The following LRMDA variants were observed in gnomAD, a reference collection of about 807,000 sequenced individuals.
The protein encoded by LRMDA is leucine rich melanocyte differentiation associated.
A neutral mutation model predicts 29.8 loss-of-function variants in LRMDA; 18 were observed. The ratio of observed to expected loss-of-function variants is 0.60; its 90% CI spans 0.42 to 0.90. The LOEUF is 0.90. LRMDA is among the 40% of genes least tolerant of loss of function. The pLI, the probability that LRMDA is intolerant of heterozygous loss-of-function variation, is 0.00. For synonymous variants in LRMDA, 125 were observed against 109.4 expected (o/e 1.14, Z -0.89); for missense variants, 273 against 273.9 (o/e 1.00, Z 0.02).
intron 2 of LRMDA, among the ~76,000 whole-genome samples, chr10:75,540,883 T>C (rs964951082): frequency 3.9e-5 from 6 of 152,098 alleles, no homozygotes; most frequent in African/African-American, 1.4e-4. Context: ...CTACCTGTTA[T>C]AAGAACTAGA....
chr10:75,433,544 T>C (rs941113514), intron 1 of LRMDA, among the ~76,000 whole-genome samples: 19 of 151,928 alleles, frequency 1.3e-4, no homozygotes, highest in Non-Finnish European at 2.5e-4. Flanking sequence ...GGTGGTTTTT[T>C]TGTTTGTTTG....
At chr10:75,892,201 T>C (rs1845502975) in intron 2 of LRMDA, among the ~76,000 whole-genome samples, 1 of 152,222 alleles carries the variant, frequency 6.6e-6, no homozygotes, top group African/African-American at 2.4e-5. Flanking sequence ...GAATGTAATT[T>C]TAATATTCAT....
intron 2 of LRMDA, among the ~76,000 whole-genome samples, chr10:76,007,025 T>TGTGTGTGTGTGTGTGTGTGTGCGC (rs894279739): frequency 3.6e-5 from 1 of 27,474 alleles, no homozygotes; most frequent in East Asian, 7.3e-4. Context: ...TGTGTGTGTG[T>TGTGTGTGTGTGTGTGTGTGTGCGC]GTGTGTGCGC....
chr10:75,770,864 A>T (rs1228067215), intron 2 of LRMDA, among the ~76,000 whole-genome samples: 1 of 152,198 alleles, frequency 6.6e-6, no homozygotes, highest in Non-Finnish European at 1.5e-5. Context: ...AGTGAGTTCT[A>T]TGGAGTTGTC....
intron 2 of LRMDA, among the ~76,000 whole-genome samples, chr10:75,554,492 A>C (rs1476013279): frequency 1.3e-5 from 2 of 152,200 alleles, no homozygotes; most frequent in Non-Finnish European, 2.9e-5. Context: ...CCGATCAGTT[A>C]TTTAGCCCCT....
intron 2 of LRMDA, among the ~76,000 whole-genome samples, chr10:75,762,915 T>C (rs2132228924): frequency 6.6e-6 from 1 of 152,308 alleles, no homozygotes; most frequent in African/African-American, 2.4e-5. Flanking sequence ...GGCACCATTT[T>C]ATAAACAAGT....
At chr10:76,469,636 G>A (rs1184363870) in intron 6 of LRMDA, among the ~76,000 whole-genome samples, 1 of 152,092 alleles carries the variant, frequency 6.6e-6, no homozygotes, top group Non-Finnish European at 1.5e-5. Flanking sequence ...AGTGAGGGAA[G>A]TTCAAGGCTA....
At chr10:75,993,498 T>C (rs7918669) in intron 2 of LRMDA, among the ~76,000 whole-genome samples, 60,263 of 151,980 alleles carry the variant, frequency 0.4, 13,436 homozygotes, top group African/African-American at 0.59. Flanking sequence ...TTTGGGAGGC[T>C]GAGGCTGGCA....
At chr10:76,033,699 T>G (rs1848190453) in intron 2 of LRMDA, among the ~76,000 whole-genome samples, 1 of 152,140 alleles carries the variant, frequency 6.6e-6, no homozygotes, top group Admixed American at 6.5e-5. Context: ...CTGATGTTTG[T>G]GCACAAAGGA....
chr10:75,674,626 G>C (rs1432715073), intron 2 of LRMDA, among the ~76,000 whole-genome samples: 1 of 152,150 alleles, frequency 6.6e-6, no homozygotes, highest in Non-Finnish European at 1.5e-5. Flanking sequence ...GTCCCTTTCT[G>C]TTCACTTAGA....
intron 2 of LRMDA, among the ~76,000 whole-genome samples, chr10:75,883,081 C>T (rs1360234063): frequency 2.0e-5 from 3 of 152,172 alleles, no homozygotes; most frequent in Non-Finnish European, 4.4e-5. Context: ...AGGAAACCTC[C>T]TCCTTCTCCT....
intron 6 of LRMDA, among the ~76,000 whole-genome samples, chr10:76,542,750 G>A (rs1325909684): frequency 1.3e-5 from 2 of 152,196 alleles, no homozygotes; most frequent in Admixed American, 1.3e-4. Flanking sequence ...TAACCTTGAT[G>A]TTAAGAGCTA....
At chr10:76,451,206 A>AT (rs377314126) in intron 6 of LRMDA, among the ~76,000 whole-genome samples, 4,902 of 142,264 alleles carry the variant, frequency 0.034, 104 homozygotes, top group South Asian at 0.11. Flanking sequence ...TCTGATTTGC[A>AT]TTTTTTTTTT....
At chr10:76,243,524 C>T (rs144483177) in intron 5 of LRMDA, among the ~76,000 whole-genome samples, 17 of 152,232 alleles carry the variant, frequency 1.1e-4, no homozygotes, top group Non-Finnish European at 1.9e-4. Context: ...GAAGCAATGG[C>T]ACGGTATTTA....
At position 76,377,309 on chromosome 10, in the gene LRMDA, G is replaced by A. The variant is rs1246614090; in HGVS notation, c.601+52824G>A. ...GATTCTGGATATTAGCCCTTTGTTGGATGCATAGTTTACAGATATTTTCCT... is the reference window on the plus strand; with the variant it reads ...GATTCTGGATATTAGCCCTTTGTTGAATGCATAGTTTACAGATATTTTCCT... On this transcript the variant is annotated intron_variant, in intron 6 of 6. Coordinates refer to ENST00000611255, the MANE Select transcript of LRMDA (RefSeq NM_001305581.2). Among the ~76,000 whole-genome samples, 5 of 152,222 alleles carry A rather than the reference G, an allele frequency of 3.3e-5. No homozygotes were observed. The East Asian group carries it at 9.7e-4, about 29-fold the overall frequency.
intron 2 of LRMDA, among the ~76,000 whole-genome samples, chr10:75,575,963 GGA>G (rs1294656391): frequency 6.6e-6 from 1 of 151,252 alleles, no homozygotes; most frequent in Non-Finnish European, 1.5e-5. Flanking sequence ...GCTAGCCACA[GGA>G]GTTTTTTTTT....
chr10:76,340,637 G>GT (rs1331382655), intron 6 of LRMDA, among the ~76,000 whole-genome samples: 2 of 150,664 alleles, frequency 1.3e-5, no homozygotes, highest in Admixed American at 1.3e-4. Flanking sequence ...TTGATAAAGT[G>GT]TATCTACCAG....
At chr10:76,337,608 G>A (rs1840985250) in intron 6 of LRMDA, among the ~76,000 whole-genome samples, 1 of 152,090 alleles carries the variant, frequency 6.6e-6, no homozygotes, top group Admixed American at 6.5e-5. Context: ...GGGGGAGAGT[G>A]GTAGATGAAG....
intron 5 of LRMDA, among the ~76,000 whole-genome samples, chr10:76,248,977 A>G (rs1852424485): frequency 2.0e-5 from 3 of 152,202 alleles, no homozygotes; most frequent in Admixed American, 1.3e-4. Flanking sequence ...GGGAAACAGA[A>G]ATCTAACCAT....
Sources: allele counts gnomAD v4.1 joint callset (sites outside exome capture counted in the v4.1 genomes callset), GRCh38; gene constraint gnomAD v4.1.1; transcripts MANE v1.5; gene names NCBI Gene and HGNC (gene_info 2026-07-23, HGNC 2026-07-21).